The following SLC5A7 variants were observed in gnomAD, a reference collection of about 807,000 sequenced individuals.
SLC5A7 encodes the protein solute carrier family 5 member 7, also known as high affinity choline transporter 1.
In SLC5A7, 19 loss-of-function variants were observed where a neutral mutation model predicts 55.4. The ratio of observed to expected loss-of-function variants is 0.34; its 90% CI spans 0.24 to 0.50. SLC5A7 has a LOEUF of 0.50. SLC5A7 is among the 20% of genes least tolerant of loss of function. The pLI is 0.98. For synonymous variants in SLC5A7, 265 were observed against 263.7 expected, an observed-to-expected ratio of 1.00 and a Z score of -0.05; for missense variants, 506 against 705.3, an observed-to-expected ratio of 0.72 and a Z score of 3.20.
At chr2:107,998,106 C>A in intron 5 of SLC5A7, 120 bp downstream of exon 5, 1 of 947,036 alleles carries the variant, frequency 1.1e-6, no homozygotes, top group Non-Finnish European at 1.5e-6. Flanking sequence ...CATACTAAGT[C>A]ACATACATGA....
At chr2:107,995,337 A>G (rs1677624494) in intron 4 of SLC5A7, among the ~76,000 whole-genome samples, 1 of 152,284 alleles carries the variant, frequency 6.6e-6, no homozygotes, top group South Asian at 2.1e-4. Flanking sequence ...TTATTACCTA[A>G]TCCATGACTA....
chr2:108,010,874 A>G lies in SLC5A7; in HGVS notation c.*13A>G, dbSNP rs572799464. On this transcript the variant is annotated 3_prime_UTR_variant, in exon 9 of 9. Coordinates refer to ENST00000264047, the MANE Select transcript of SLC5A7 (RefSeq NM_021815.5). ...TAATTTACAGTGACCCCATCTAAATAAAATACTGCTTTTGCAAACAGAACA... is the reference window on the plus strand; with the variant it reads ...TAATTTACAGTGACCCCATCTAAATGAAATACTGCTTTTGCAAACAGAACA... 6.5e-7 allele frequency: 1 copy of G among 1,547,856 alleles called. No homozygotes were observed. Among genetic ancestry groups the G allele is most frequent in the Non-Finnish European group, 8.6e-7 (1 of 1,157,592 alleles).
At chr2:108,009,852 G>A (rs1353984614) in intron 8 of SLC5A7, among the ~76,000 whole-genome samples, 1 of 152,118 alleles carries the variant, frequency 6.6e-6, no homozygotes, top group African/African-American at 2.4e-5. Flanking sequence ...GATAAACTAG[G>A]GATGGCCTAT....
At chr2:107,989,802 G>C (rs1677379210) in intron 2 of SLC5A7, among the ~76,000 whole-genome samples, 1 of 152,018 alleles carries the variant, frequency 6.6e-6, no homozygotes, top group Non-Finnish European at 1.5e-5. Context: ...AATAATTATA[G>C]CCCTCTACTA....
chr2:108,001,805 T>G, intron 5 of SLC5A7, 92 bp from the exon 6 acceptor site: 85 of 1,346,774 alleles, frequency 6.3e-5, no homozygotes, highest in Non-Finnish European at 8.0e-5. Flanking sequence ...GAGGAACTAC[T>G]GAGCTGTGCA....
At chr2:107,990,134 A>G (rs768203169) in intron 2 of SLC5A7, among the ~76,000 whole-genome samples, 5 of 152,228 alleles carry the variant, frequency 3.3e-5, no homozygotes, top group Admixed American at 1.3e-4. Flanking sequence ...AAAAATGAAT[A>G]TATTTTAAGA....
chr2:108,000,697 C>G (rs1421996477), intron 5 of SLC5A7, among the ~76,000 whole-genome samples: 1 of 152,012 alleles, frequency 6.6e-6, no homozygotes, highest in Non-Finnish European at 1.5e-5. Context: ...CAGGTTTAAG[C>G]AATCCTCCCA....
rs1678329181 is a variant in SLC5A7, at chr2:108,011,545, G to A, written c.*684G>A. 6.6e-6 allele frequency: 1 copy of A among 152,102 alleles called. No individual in the cohort carries two copies. The highest frequency in any genetic ancestry group is 1.5e-5 in the Non-Finnish European group (1 of 68,018). 9.4% of individuals were successfully genotyped at this position (152,102 alleles called of 1,614,324 possible). ...AGAAGAGCACTGGGCTAATTTGTATGTTTCCATAGCTACTATATGCATAAA... is the reference window on the plus strand; with the variant it reads ...AGAAGAGCACTGGGCTAATTTGTATATTTCCATAGCTACTATATGCATAAA... On this transcript the variant is annotated 3_prime_UTR_variant, in exon 9 of 9. Transcript: ENST00000264047.
rs1033554406 is a variant in SLC5A7 at position 107,992,917 on chromosome 2, A to T, written c.293-55A>T. 8.2e-5 allele frequency: 130 copies of T among 1,578,380 alleles called. 1 individual carries two copies. Among genetic ancestry groups the T allele is most frequent in the Non-Finnish European group, 4.9e-5 (57 of 1,158,924 alleles). ...CCTTGATAAATGGCAGCATAGTAAA[A>T]GACTATTATATTACATTCTTTTTAT... On this transcript the variant is annotated intron_variant, in intron 3 of 8. Coordinates refer to ENST00000264047, the MANE Select transcript of SLC5A7 (RefSeq NM_021815.5).
At chr2:108,001,152 TC>T (rs948549537) in intron 5 of SLC5A7, among the ~76,000 whole-genome samples, 1 of 151,086 alleles carries the variant, frequency 6.6e-6, no homozygotes, top group Non-Finnish European at 1.5e-5. Context: ...CCTCCCCTCC[TC>T]CCCCCACCCA....
intron 2 of SLC5A7, 107 bp downstream of exon 2, chr2:107,988,440 TG>T: frequency 1.0e-6 from 1 of 954,166 alleles, no homozygotes; most frequent in African/African-American, 1.6e-5. Flanking sequence ...CTTTGTCCTT[TG>T]GGGATTCTTT....
At chr2:108,002,612 G>A (rs988679973) in intron 6 of SLC5A7, among the ~76,000 whole-genome samples, 2 of 152,118 alleles carry the variant, frequency 1.3e-5, no homozygotes, top group East Asian at 1.9e-4. Context: ...GATAATGGCC[G>A]ATCCCATTGA....
rs549485494 is a variant in SLC5A7 at position 108,001,690 on chromosome 2, GA to G, written c.598-203del. On this transcript the variant is annotated intron_variant, in intron 5 of 8. Transcript: ENST00000264047. The stretch of plus-strand genomic sequence containing the variant: ...TCCGTCTCAAAAAAAAAAAAAAAAA[GA>G]AAAGAAATAGTCAATGTGTTATTTT... Among the ~76,000 whole-genome samples the G allele has an allele frequency of 0.03, 4,108 of 136,640 alleles. 107 individuals carry two copies. The highest frequency in any genetic ancestry group is 0.064 in the African/African-American group (2,234 of 34,806). 89.6% of individuals were successfully genotyped at this position (136,640 alleles called of 152,430 possible).
chr2:107,993,819 T>C (rs1419517686), intron 4 of SLC5A7, among the ~76,000 whole-genome samples: 1 of 152,216 alleles, frequency 6.6e-6, no homozygotes, highest in African/African-American at 2.4e-5. Flanking sequence ...AGAAGTGAGA[T>C]ATCACCAACC....
At chr2:107,991,137 T>A (rs765238413) in intron 2 of SLC5A7, among the ~76,000 whole-genome samples, 1 of 152,204 alleles carries the variant, frequency 6.6e-6, no homozygotes, top group Non-Finnish European at 1.5e-5. Context: ...CATTGTCTAT[T>A]CAGAGAAAAA....
chr2:107,987,043 A>T (rs1362146822), intron 1 of SLC5A7, among the ~76,000 whole-genome samples: 3 of 151,936 alleles, frequency 2.0e-5, no homozygotes, highest in Non-Finnish European at 4.4e-5. Context: ...TTGCTCACAA[A>T]GGCAGAGAAG....
chr2:108,008,650 C>A lies in SLC5A7; in HGVS notation c.1081C>A (p.Arg361=). 2 of 1,613,156 alleles carry A rather than the reference C, an allele frequency of 1.2e-6. No individual in the cohort carries two copies. The highest frequency in any genetic ancestry group is 1.7e-6 in the Non-Finnish European group (2 of 1,179,756). ...SILSASSMFA[R]NIYQLSFRQN... ...CTTGTCAGCAAGTTCCATGTTTGCA[C>A]GGAACATCTACCAGCTTTCCTTCAG... Residue 361 remains arginine, a synonymous_variant, in exon 8 of 9, where the codon CGG becomes AGG. Coordinates refer to ENST00000264047, the MANE Select transcript of SLC5A7 (RefSeq NM_021815.5).
intron 8 of SLC5A7, among the ~76,000 whole-genome samples, chr2:108,009,340 T>A (rs1366383295): frequency 2.0e-5 from 3 of 152,174 alleles, no homozygotes; most frequent in Non-Finnish European, 2.9e-5. Flanking sequence ...CTTTTTGTTT[T>A]TAATTTTACT....
At position 108,013,511 on chromosome 2, in the gene SLC5A7, G is replaced by A. The variant is rs957695259; in HGVS notation, c.*2650G>A. The A allele has an allele frequency of 6.6e-6, 1 of 152,094 alleles. No individual in the cohort carries two copies. The highest frequency in any genetic ancestry group is 2.4e-5 in the African/African-American group (1 of 41,420). 9.4% of individuals were successfully genotyped at this position (152,094 alleles called of 1,614,324 possible). On this transcript the variant is annotated 3_prime_UTR_variant, in exon 9 of 9. Coordinates refer to ENST00000264047, the MANE Select transcript of SLC5A7 (RefSeq NM_021815.5). The stretch of plus-strand genomic sequence containing the variant: ...TCACAAAGCTGTGAAATGTGCAAGA[G>A]TATACTTTGTACCCATCATGTGCTC...
Sources: gnomAD v4.1 joint callset for allele counts (sites outside exome capture counted in the v4.1 genomes callset) on GRCh38, gnomAD v4.1.1 for gene constraint, MANE v1.5 for transcripts, NCBI Gene and HGNC (gene_info 2026-07-23, HGNC 2026-07-21) for gene names.